Variants in CSMD1 observed in about 807,000 individuals in gnomAD.
The protein encoded by CSMD1 is CUB and sushi domain-containing protein 1.
Under a neutral mutation model 417.5 loss-of-function variants are expected in CSMD1, and 213 were observed. The observed-to-expected ratio is 0.51, with a 90% CI of 0.46 to 0.57. The LOEUF is 0.57. CSMD1 is among the 20% of genes least tolerant of loss of function. The pLI, the probability that CSMD1 is intolerant of heterozygous loss-of-function variation, is 0.00. For missense variants in CSMD1, 6,923 were observed against 4,529.7 expected (o/e 1.53, Z -15.17); for synonymous variants, 2,862 against 1,736.8 (o/e 1.65, Z -16.11).
At chr8:4,107,913 A>C (rs972241726) in intron 3 of CSMD1, among the ~76,000 whole-genome samples, 2 of 152,202 alleles carry the variant, frequency 1.3e-5, no homozygotes, top group Non-Finnish European at 1.5e-5. Flanking sequence ...TGAAACAAAT[A>C]ACATTTTCGT....
At chr8:4,505,711 T>C (rs1040808900) in intron 2 of CSMD1, among the ~76,000 whole-genome samples, 1 of 152,176 alleles carries the variant, frequency 6.6e-6, no homozygotes, top group Non-Finnish European at 1.5e-5. Context: ...TTTCTTCATC[T>C]GCCAATGAAG....
At chr8:4,283,309 T>G (rs143829297) in intron 3 of CSMD1, among the ~76,000 whole-genome samples, 1 of 152,218 alleles carries the variant, frequency 6.6e-6, no homozygotes, top group Non-Finnish European at 1.5e-5. Flanking sequence ...TGTTTATTGA[T>G]TTGTAGCTTC....
In CSMD1 at chr8:3,181,089, T is replaced by A. The variant is rs190059585; in HGVS notation, c.5725+21A>T. 44 of 1,507,448 alleles carry A rather than the reference T, an allele frequency of 2.9e-5. No individual in the cohort carries two copies. The Admixed American group carries it at 5.4e-4, about 18-fold the overall frequency. The allele number at this position is 1,507,448 out of a possible 1,614,324, so 93.4% of individuals were successfully genotyped here. A position where few individuals can be genotyped will look rare whatever the true frequency, so the allele number is the denominator to read the frequency against. ...ACTCAGTATAACAGTGGAAGCTGTA[T>A]ACAGAAAGAGTTGACCTTACTTTTG... On this transcript the variant is annotated intron_variant, in intron 37 of 69. Transcript: ENST00000635120.
Position 4,994,532 on chromosome 8 carries a change from C to G in CSMD1, c.-116G>C. The stretch of plus-strand genomic sequence containing the variant: ...GGCGAGCCGGAGAGAGAGCCCGGTC[C>G]CAAGACCCGCCGCGCATCCGACGCC... On this transcript the variant is annotated 5_prime_UTR_variant, in exon 1 of 70. Coordinates refer to ENST00000635120, the MANE Select transcript of CSMD1 (RefSeq NM_033225.6). The G allele has an allele frequency of 1.1e-6, 1 of 910,164 alleles. No individual in the cohort carries two copies. The highest frequency in any genetic ancestry group is 1.5e-5 in the South Asian group (1 of 65,030). 56.4% of individuals were successfully genotyped at this position (910,164 alleles called of 1,614,324 possible).
intron 50 of CSMD1, among the ~76,000 whole-genome samples, chr8:3,039,288 T>TCG (rs1563266717): frequency 1.7e-5 from 2 of 119,554 alleles, no homozygotes; most frequent in Non-Finnish European, 3.8e-5. Context: ...TTCCTTCTTT[T>TCG]CCTTACTTCC....
At chr8:4,376,655 C>T (rs1050509576) in intron 3 of CSMD1, among the ~76,000 whole-genome samples, 11 of 152,216 alleles carry the variant, frequency 7.2e-5, no homozygotes, top group South Asian at 2.1e-4. Context: ...ATTCTATAGC[C>T]GTGCTCATAT....
intron 21 of CSMD1, among the ~76,000 whole-genome samples, chr8:3,349,830 A>C (rs1056319508): frequency 2.2e-5 from 3 of 138,716 alleles, no homozygotes; most frequent in African/African-American, 7.8e-5. Context: ...TAAAATATAT[A>C]TAATATATCT....
At chr8:3,959,993 C>A (rs1252745368) in intron 5 of CSMD1, among the ~76,000 whole-genome samples, 2 of 152,124 alleles carry the variant, frequency 1.3e-5, no homozygotes, top group East Asian at 3.9e-4. Flanking sequence ...GTGTTAATCA[C>A]AGTATGTGCG....
In CSMD1 at chr8:4,345,451, T is replaced by C. The variant is rs145546024; in HGVS notation, c.415+74502A>G. Among the ~76,000 whole-genome samples, 659 of 151,854 alleles carry C rather than the reference T, an allele frequency of 4.3e-3. 5 individuals carry two copies. The highest frequency in any genetic ancestry group is 0.02 in the Middle Eastern group (6 of 294). ...AAATCAGGATAAAGAAGAGAAAAAATAGATAACTGGAATTACATCAAACTA... is the reference window on the plus strand; with the variant it reads ...AAATCAGGATAAAGAAGAGAAAAAACAGATAACTGGAATTACATCAAACTA... On this transcript the variant is annotated intron_variant, in intron 3 of 69. Transcript: ENST00000635120.
intron 8 of CSMD1, among the ~76,000 whole-genome samples, chr8:3,601,052 G>A (rs1384757686): frequency 1.3e-5 from 2 of 152,104 alleles, no homozygotes; most frequent in African/African-American, 4.8e-5. Context: ...CATCCCGCAT[G>A]ATATCGTGGC....
intron 1 of CSMD1, among the ~76,000 whole-genome samples, chr8:4,819,271 CTCA>C (rs1799384240): frequency 1.3e-5 from 2 of 151,964 alleles, no homozygotes; most frequent in African/African-American, 4.8e-5. Flanking sequence ...AAAACAAAAC[CTCA>C]TCATTAAAAA....
chr8:4,696,868 G>A (rs919388470), intron 1 of CSMD1, among the ~76,000 whole-genome samples: 3 of 152,182 alleles, frequency 2.0e-5, no homozygotes, highest in African/African-American at 7.2e-5. Context: ...TAAAGCTCTT[G>A]AAACTATGAA....
chr8:3,762,868 G>A (rs558521985), intron 5 of CSMD1, among the ~76,000 whole-genome samples: 1 of 152,332 alleles, frequency 6.6e-6, no homozygotes, highest in Non-Finnish European at 1.5e-5. Context: ...GGTGGACAGT[G>A]TGAGGAAGCT....
intron 1 of CSMD1, among the ~76,000 whole-genome samples, chr8:4,800,899 A>G (rs1338192239): frequency 6.6e-6 from 1 of 152,204 alleles, no homozygotes; most frequent in Non-Finnish European, 1.5e-5. Flanking sequence ...TACGTCTTGT[A>G]CTCATCACAG....
intron 27 of CSMD1, among the ~76,000 whole-genome samples, chr8:3,226,107 G>A (rs1045296255): frequency 2.0e-5 from 3 of 152,094 alleles, no homozygotes; most frequent in Non-Finnish European, 4.4e-5. Flanking sequence ...ACACCGTTGG[G>A]GGCGATAAAT....
chr8:4,474,388 G>C (rs141381584), intron 2 of CSMD1, among the ~76,000 whole-genome samples: 318 of 152,272 alleles, frequency 2.1e-3, no homozygotes, highest in Non-Finnish European at 2.3e-3. Context: ...AGAATAAGAG[G>C]AGGACAGAGA....
At chr8:4,895,732 T>G (rs578024110) in intron 1 of CSMD1, among the ~76,000 whole-genome samples, 4 of 151,908 alleles carry the variant, frequency 2.6e-5, no homozygotes, top group Non-Finnish European at 5.9e-5. Context: ...CTACAAAGCC[T>G]CTATTTTTCT....
At chr8:4,128,668 C>G (rs952359206) in intron 3 of CSMD1, among the ~76,000 whole-genome samples, 3 of 152,076 alleles carry the variant, frequency 2.0e-5, no homozygotes, top group Admixed American at 6.6e-5. Flanking sequence ...TGTCTTCTTT[C>G]TTTCATCCCA....
At chr8:4,065,104 T>C (rs1799177066) in intron 3 of CSMD1, among the ~76,000 whole-genome samples, 1 of 152,264 alleles carries the variant, frequency 6.6e-6, no homozygotes, top group Admixed American at 6.5e-5. Context: ...GATTTAAAAA[T>C]GTCATTTTCT....
Sources: allele counts gnomAD v4.1 joint callset (sites outside exome capture counted in the v4.1 genomes callset), GRCh38; gene constraint gnomAD v4.1.1; transcripts MANE v1.5; gene names NCBI Gene and HGNC (gene_info 2026-07-23, HGNC 2026-07-21).